The following PRODH2 variants were observed in gnomAD, a reference collection of about 807,000 sequenced individuals.
PRODH2 encodes the protein hydroxyproline dehydrogenase.
A neutral mutation model predicts 51.9 loss-of-function variants in PRODH2; 49 were observed. The observed-to-expected ratio is 0.94, with a 90% CI of 0.75 to 1.20. PRODH2 has a LOEUF of 1.20. Ranked by LOEUF, PRODH2 falls within the 50% of genes most tolerant of loss-of-function variation. The pLI is 0.00. For synonymous variants in PRODH2, 249 were observed against 260.7 expected (o/e 0.96, Z 0.43); for missense variants, 597 against 610.9 (o/e 0.98, Z 0.24).
At position 35,812,381 on chromosome 19, in the gene PRODH2, G is replaced by T. The variant is rs530449688; in HGVS notation, c.350C>A (p.Pro117Gln). The T allele has an allele frequency of 1.1e-5, 17 of 1,613,492 alleles. No homozygotes were observed. The highest frequency in any genetic ancestry group is 1.4e-5 in the Non-Finnish European group (16 of 1,179,610). Residue 117 changes from proline (P) to glutamine (Q), a missense_variant, in exon 2 of 10, where the codon CCG becomes CAG. By Grantham distance (76) the Pro-to-Gln change is moderately conservative. Coordinates refer to ENST00000653904, the MANE Select transcript of PRODH2 (RefSeq NM_021232.2). ...PLLAVPTEEE[P>Q]DSAAKSGEAW... The stretch of plus-strand genomic sequence containing the variant: ...TCACCCACTCTTGGCAGCAGAGTCC[G>T]GCTCCTCCTCAGTGGGCACTGCCAG...
chr19:35,808,314 G>A (rs1972545215), intron 4 of PRODH2, among the ~76,000 whole-genome samples: 1 of 152,196 alleles, frequency 6.6e-6, no homozygotes. Context: ...GTTGGGAAAT[G>A]GAAGAAAGAG....
At chr19:35,801,145 C>T (rs1026795727) in intron 9 of PRODH2, among the ~76,000 whole-genome samples, 4 of 151,854 alleles carry the variant, frequency 2.6e-5, no homozygotes, top group South Asian at 2.1e-4. Context: ...CAAGTCTGGG[C>T]GACAGAGCCA....
At chr19:35,800,536 A>G (rs1972405645) in intron 9 of PRODH2, among the ~76,000 whole-genome samples, 1 of 152,158 alleles carries the variant, frequency 6.6e-6, no homozygotes, top group Non-Finnish European at 1.5e-5. Context: ...GGCGTGAGCC[A>G]CCATGCCCAG....
At position 35,806,529 on chromosome 19, in the gene PRODH2, T is replaced by C; in HGVS notation, c.902A>G (p.Lys301Arg). The change falls in exon 7 of 10, where the codon AAG becomes AGG. Residue 301 changes from lysine (K) to arginine (R), a missense_variant. Physicochemically the swap from Lys to Arg is conservative, Grantham distance 26. Coordinates refer to ENST00000653904, the MANE Select transcript of PRODH2 (RefSeq NM_021232.2). ...GTCCAGATATGCACCTCGTACCAGC[T>C]TCACTCCGAAGGCCAGGCCGGCCCT... is the stretch of plus-strand genomic sequence containing the variant. ...AHRAGLAFGV[K>R]LVRGAYLDKE... The C allele has an allele frequency of 6.2e-7, 1 of 1,614,148 alleles. No homozygotes were observed. Among genetic ancestry groups the C allele is most frequent in the South Asian group, 1.1e-5 (1 of 91,084 alleles).
intron 4 of PRODH2, among the ~76,000 whole-genome samples, chr19:35,810,492 C>T (rs1972591743): frequency 1.3e-5 from 2 of 151,326 alleles, no homozygotes; most frequent in African/African-American, 4.9e-5. Flanking sequence ...AGCCCATAAT[C>T]CCAACAATTT....
chr19:35,809,951 GCC>G (rs1238865185), intron 4 of PRODH2, among the ~76,000 whole-genome samples: 45 of 29,882 alleles, frequency 1.5e-3, no homozygotes, highest in South Asian at 4.7e-3. Context: ...AGAGCCAGAT[GCC>G]GCTTCAAAAA....
At chr19:35,803,457 G>T (rs957308714) in intron 7 of PRODH2, among the ~76,000 whole-genome samples, 19 of 152,086 alleles carry the variant, frequency 1.2e-4, no homozygotes, top group African/African-American at 4.6e-4. Flanking sequence ...GTTTCGCCAT[G>T]TTGCCCAGGC....
chr19:35,811,424 GAAGGAAGGAAGGAATA>G (rs1294641363), intron 4 of PRODH2, among the ~76,000 whole-genome samples: 3 of 109,216 alleles, frequency 2.7e-5, no homozygotes, highest in Non-Finnish European at 5.4e-5. Flanking sequence ...GAGAGAGAAG[GAAGGAAGGAAGGAATA>G]AAGGAAGGAA....
At chr19:35,800,860 C>G (rs1465566114) in intron 9 of PRODH2, among the ~76,000 whole-genome samples, 2 of 152,014 alleles carry the variant, frequency 1.3e-5, no homozygotes, top group Non-Finnish European at 2.9e-5. Flanking sequence ...GCCCAGCTAA[C>G]TGTTTTTATT....
intron 4 of PRODH2, among the ~76,000 whole-genome samples, chr19:35,809,139 T>G (rs1420329090): frequency 6.6e-6 from 1 of 151,618 alleles, no homozygotes; most frequent in African/African-American, 2.4e-5. Context: ...TTTCCTTCCT[T>G]CCTTCCTTCC....
rs1289358152 is a variant in PRODH2 at position 35,806,469 on chromosome 19, TC to T, written c.961del (p.Glu321LysfsTer21). 1 of 1,614,120 alleles carries T rather than the reference TC, an allele frequency of 6.2e-7. No homozygotes were observed. Among genetic ancestry groups the T allele is most frequent in the Admixed American group, 1.7e-5 (1 of 60,004 alleles). Reference protein sequence around the residue: ...ERAVAQLHGMEDPTQPDYEAT... With the variant: ...ERAVAQLHGMXDPTQPDYEAT... ...CTCATAGTCAGGCTGAGTGGGGTCT[TC>T]CATCCCATGGAGCTGGGCCACCGCT... is the stretch of plus-strand genomic sequence containing the variant. On this transcript the variant is annotated frameshift_variant, in exon 7 of 10. Transcript: ENST00000653904. LOFTEE classifies it high-confidence loss of function.
intron 4 of PRODH2, among the ~76,000 whole-genome samples, chr19:35,811,077 G>T (rs979719328): frequency 2.0e-5 from 3 of 152,114 alleles, no homozygotes; most frequent in African/African-American, 7.2e-5. Flanking sequence ...GGAATAGAGG[G>T]ATAGATATGA....
intron 9 of PRODH2, among the ~76,000 whole-genome samples, chr19:35,801,351 A>G (rs1429859897): frequency 6.6e-6 from 1 of 151,424 alleles, no homozygotes; most frequent in Non-Finnish European, 1.5e-5. Flanking sequence ...CTGTAATCCC[A>G]GCTACTTGGG....
In PRODH2 at chr19:35,806,823, C is replaced by T. The variant is rs148139007; in HGVS notation, c.686G>A (p.Arg229Gln). ...CACCAGGAGCCGCACGTGCTGGGCC[C>T]GGGCATACTGATGGCGACAGAGACG... ...SRLHRVAQYA[R>Q]AQHVRLLVDA... Residue 229 changes from arginine to glutamine, a missense_variant, in exon 6 of 10, where the codon CGG (arginine) becomes CAG (glutamine). Transcript: ENST00000653904. 227 of 1,604,244 alleles carry T rather than the reference C, an allele frequency of 1.4e-4. 2 individuals carry two copies. The African/African-American group carries it at 2.2e-3, about 16-fold the overall frequency.
rs539951310 is a variant in PRODH2, at chr19:35,804,054, C to T, written c.1002-976G>A. ...AGGAAGGAGTGTGGGTGTCTCACCT[C>T]GGCCCCTCCCTGCTCACCCTGACTG... is the stretch of plus-strand genomic sequence containing the variant. On this transcript the variant is annotated intron_variant, in intron 7 of 9. Transcript: ENST00000653904. 3.9e-5 allele frequency among the ~76,000 whole-genome samples: 6 copies of T among 152,302 alleles called. No individual in the cohort carries two copies. In the East Asian group the frequency reaches 5.8e-4, roughly 15 times the overall value.
intron 9 of PRODH2, among the ~76,000 whole-genome samples, chr19:35,800,882 G>GATTA (rs951308365): frequency 7.2e-5 from 11 of 151,958 alleles, no homozygotes; most frequent in Non-Finnish European, 1.0e-4. Context: ...TATCTCAATT[G>GATTA]ATTAATTAAT....
chr19:35,811,133 G>A (rs1442805821), intron 4 of PRODH2, among the ~76,000 whole-genome samples: 1 of 152,002 alleles, frequency 6.6e-6, no homozygotes, highest in Non-Finnish European at 1.5e-5. Flanking sequence ...GGATGTTCAT[G>A]TACAATTCTT....
chr19:35,803,948 C>T (rs1173685842), intron 7 of PRODH2, among the ~76,000 whole-genome samples: 3 of 18,726 alleles, frequency 1.6e-4, no homozygotes, highest in Non-Finnish European at 1.5e-3. Flanking sequence ...TTCCCTATCG[C>T]CCCCCAGACC....
At chr19:35,805,407 C>G (rs1972496488) in intron 7 of PRODH2, among the ~76,000 whole-genome samples, 1 of 151,962 alleles carries the variant, frequency 6.6e-6, no homozygotes, top group Non-Finnish European at 1.5e-5. Context: ...GCTGGGATTA[C>G]CAGTGCAAGC....
Sources: allele counts gnomAD v4.1 joint callset (sites outside exome capture counted in the v4.1 genomes callset), GRCh38; gene constraint gnomAD v4.1.1; transcripts MANE v1.5; gene names NCBI Gene and HGNC (gene_info 2026-07-23, HGNC 2026-07-21).